MED16: variants seen among roughly 807,000 people sequenced by gnomAD.
MED16 encodes the protein mediator complex subunit 16.
Under a neutral mutation model 84.4 loss-of-function variants are expected in MED16, and 81 were observed. The ratio of observed to expected loss-of-function variants is 0.96; its 90% confidence interval spans 0.80 to 1.15. MED16 has a LOEUF of 1.15. MED16 is among the 50% of genes most tolerant of loss of function. MED16 has a pLI of 0.00. For missense variants in MED16, 1,585 were observed against 1,245.9 expected (o/e 1.27, Z -4.10); for synonymous variants, 897 against 552.2 (o/e 1.62, Z -8.76).
rs368744761 is a variant in MED16, at chr19:871,226, G to T, written c.2126C>A (p.Pro709Gln). ...GCATTCATCCACCAGCGCCTCGTCC[G>T]GCTCGCTCGCTGGGCCCTCATCGCG... Reference protein sequence around the residue: ...CCRDEGPASEPDEALVDECCL... With the variant: ...CCRDEGPASEQDEALVDECCL... Residue 709 changes from proline (P) to glutamine (Q), a missense_variant, in exon 13 of 16, where the codon CCG (proline) becomes CAG (glutamine). Transcript: ENST00000325464. 2 of 1,542,830 alleles carry T rather than the reference G, an allele frequency of 1.3e-6. No homozygotes were observed. The highest frequency in any genetic ancestry group is 2.0e-5 in the Admixed American group (1 of 51,166).
chr19:889,701 C>T lies in MED16; in HGVS notation c.384G>A (p.Gly128=), dbSNP rs759507737. ...WESSVGSLVE[G]DPIVALSWLH... is the part of the protein sequence containing the mutation. ...GCCAGGACAGGGCCACAATGGGGTC[C>T]CCCTCCACTAGGCTGCCCACTGAGC... Residue 128 remains glycine, a synonymous_variant, in exon 4 of 16, where the codon GGG becomes GGA. Transcript: ENST00000325464. The T allele has an allele frequency of 1.2e-6, 2 of 1,613,870 alleles. No homozygotes were observed. Among genetic ancestry groups the T allele is most frequent in the Non-Finnish European group, 1.7e-6 (2 of 1,179,992 alleles).
At chr19:868,591 G>A (rs550992599) in intron 14 of MED16, 92 bp from the exon 15 acceptor site, 47 of 1,517,076 alleles carry the variant, frequency 3.1e-5, no homozygotes, top group Admixed American at 4.1e-5. Context: ...GTCTCCCTCT[G>A]CTCGCCGTCC....
At chr19:869,150 G>A (rs1231157924) in intron 13 of MED16, among the ~76,000 whole-genome samples, 7 of 152,256 alleles carry the variant, frequency 4.6e-5, no homozygotes, top group East Asian at 1.9e-4. Flanking sequence ...CCCCCCACAC[G>A]GAGGAGGGTT....
At chr19:869,638 TTCCCGGAGG>T (rs755829220) in intron 13 of MED16, among the ~76,000 whole-genome samples, 1 of 152,022 alleles carries the variant, frequency 6.6e-6, no homozygotes, top group Non-Finnish European at 1.5e-5. Flanking sequence ...CCAGGGCGCC[TTCCCGGAGG>T]TCCCGGAGCC....
In MED16 at chr19:868,472, C is replaced by T. The variant is rs112706448; in HGVS notation, c.2427G>A (p.Ser809=). The T allele has an allele frequency of 1.9e-5, 30 of 1,610,986 alleles. No individual in the cohort carries two copies. The East Asian group carries it at 3.6e-4, about 19-fold the overall frequency. ...GCTTCACCGCCGTGGTTCTGTTGGG[C>T]GACTTGAGCATGGTGACACAGCCGC... ...TRCGCVTMLK[S]PNRTTAVKQW... Residue 809 remains serine (S), a synonymous_variant, in exon 15 of 16, where the codon TCG becomes TCA. Transcript: ENST00000325464.
chr19:869,843 C>T (rs962208024), intron 13 of MED16, among the ~76,000 whole-genome samples: 1 of 152,230 alleles, frequency 6.6e-6, no homozygotes, highest in Non-Finnish European at 1.5e-5. Flanking sequence ...CTGAAACAGG[C>T]TGGGGGTCTG....
intron 5 of MED16, 37 bp from the exon 6 acceptor site, chr19:885,045 T>G: frequency 6.6e-7 from 1 of 1,509,154 alleles, no homozygotes; most frequent in Non-Finnish European, 9.0e-7. Context: ...GACCCGGCAC[T>G]GCTGTGGTGG....
chr19:871,558 C>T lies in MED16; in HGVS notation c.2099-305G>A, dbSNP rs765743419. On this transcript the variant is annotated intron_variant, in intron 12 of 15. Coordinates refer to ENST00000325464, the MANE Select transcript of MED16 (RefSeq NM_005481.3). ...GGGATGTAAGAATGACACAGCTCAC[C>T]CTCCTCACATACACACAACCCGACA... The T allele has an allele frequency of 8.4e-5, 134 of 1,591,444 alleles. 1 individual carries two copies. The highest frequency in any genetic ancestry group is 7.0e-4 in the East Asian group (31 of 44,414).
chr19:882,834 G>A (rs577393244), intron 6 of MED16, among the ~76,000 whole-genome samples: 8 of 152,340 alleles, frequency 5.3e-5, no homozygotes, highest in African/African-American at 1.2e-4. Flanking sequence ...TCTCTGCCCC[G>A]GACGGGCCAT....
At chr19:881,773 C>A in intron 6 of MED16, 59 bp from the exon 7 acceptor site, 2 of 1,566,316 alleles carry the variant, frequency 1.3e-6, no homozygotes, top group Non-Finnish European at 1.7e-6. Context: ...GCTGAGACAG[C>A]CGCAGGAGTC....
At chr19:868,551 T>TA in intron 14 of MED16, 52 bp from the exon 15 acceptor site, 2 of 1,593,894 alleles carry the variant, frequency 1.3e-6, no homozygotes, top group South Asian at 2.2e-5. Context: ...GGGCCTCCCT[T>TA]ACGCCTGCCC....
chr19:884,706 C>T (rs950105211), intron 6 of MED16, among the ~76,000 whole-genome samples, 197 bp downstream of exon 6: 9 of 152,312 alleles, frequency 5.9e-5, no homozygotes, highest in Admixed American at 2.0e-4. Flanking sequence ...GGAGTCTATA[C>T]GCCTAACACA....
chr19:874,349 T>G (rs1290351465), intron 10 of MED16, among the ~76,000 whole-genome samples: 1 of 152,160 alleles, frequency 6.6e-6, no homozygotes, highest in Admixed American at 6.5e-5. Flanking sequence ...CCTGACCTCG[T>G]GATCAGCCCG....
chr19:868,370 G>A (rs1234498729), intron 15 of MED16, 46 bp downstream of exon 15: 2 of 1,575,114 alleles, frequency 1.3e-6, no homozygotes, highest in Admixed American at 3.4e-5. Flanking sequence ...GGGGCAGCTG[G>A]GCTCAGGGGT....
Position 868,075 on chromosome 19 carries a change from A to C in MED16, c.*26T>G, listed in dbSNP as rs1482178074. 6.3e-7 allele frequency: 1 copy of C among 1,584,928 alleles called. No individual in the cohort carries two copies. Among genetic ancestry groups the C allele is most frequent in the Middle Eastern group, 2.0e-4 (1 of 5,110 alleles). Reference sequence around the variant, plus strand: ...GAGGAGACGCCCGAGCCGGGTCACCACAAGGTCCGCCTGGACCCCCGGCCG... The same window carrying C: ...GAGGAGACGCCCGAGCCGGGTCACCCCAAGGTCCGCCTGGACCCCCGGCCG... On this transcript the variant is annotated 3_prime_UTR_variant, in exon 16 of 16. Transcript: ENST00000325464.
At chr19:882,453 A>T (rs1055484535) in intron 6 of MED16, among the ~76,000 whole-genome samples, 2 of 152,342 alleles carry the variant, frequency 1.3e-5, no homozygotes, top group Admixed American at 1.3e-4. Context: ...GAGCCCAGGA[A>T]GATGAGGCTG....
rs556600165 is a variant in MED16 at position 881,844 on chromosome 19, C to T, written c.986-130G>A. Reference sequence around the variant, plus strand: ...TCCCAGGTCTCATGCCGCCCTGCTCCCATGCCCAGAAGACCAGGCCCGGCC... The same window carrying T: ...TCCCAGGTCTCATGCCGCCCTGCTCTCATGCCCAGAAGACCAGGCCCGGCC... On this transcript the variant is annotated intron_variant, in intron 6 of 15. Transcript: ENST00000325464. 1.4e-4 allele frequency: 164 copies of T among 1,135,992 alleles called. 2 individuals carry two copies. The South Asian group carries it at 2.2e-3, about 15-fold the overall frequency. 70.4% of individuals were successfully genotyped at this position (1,135,992 alleles called of 1,614,324 possible).
At chr19:877,219 G>C in intron 8 of MED16, 39 bp from the exon 9 acceptor site, 2 of 1,572,698 alleles carry the variant, frequency 1.3e-6, no homozygotes, top group African/African-American at 1.3e-5. Flanking sequence ...CGGTGAGATG[G>C]GGCTGCGCCC....
chr19:886,027 G>A lies in MED16; in HGVS notation c.622C>T (p.Arg208Trp), dbSNP rs746892774. Reference sequence around the variant, plus strand: ...GCCAGGGCCACGCGGCCGCGCAGCCGGCACAGGCTCTCGGTGGACGTCAGC... The same window carrying A: ...GCCAGGGCCACGCGGCCGCGCAGCCAGCACAGGCTCTCGGTGGACGTCAGC... ...QVLTSTESLC[R>W]LRGRVALADI... Residue 208 changes from arginine (R) to tryptophan (W), a missense_variant, in exon 5 of 16, where the codon CGG (arginine) becomes TGG (tryptophan). Physicochemically the swap from Arg to Trp is moderately radical, Grantham distance 101. Transcript: ENST00000325464. The A allele has an allele frequency of 1.0e-5, 16 of 1,599,176 alleles. No homozygotes were observed. The highest frequency in any genetic ancestry group is 4.5e-5 in the East Asian group (2 of 44,622).
Sources: gnomAD v4.1 joint callset for allele counts (sites outside exome capture counted in the v4.1 genomes callset) on GRCh38, gnomAD v4.1.1 for gene constraint, MANE v1.5 for transcripts, NCBI Gene and HGNC (gene_info 2026-07-23, HGNC 2026-07-21) for gene names.